TCEANC2: variants seen among roughly 807,000 people sequenced by gnomAD.
TCEANC2 encodes the protein transcription elongation factor A N-terminal and central domain containing 2.
Under a neutral mutation model 22.8 loss-of-function variants are expected in TCEANC2, and 20 were observed. That is an observed-to-expected ratio of 0.88 (90% confidence interval 0.62 to 1.28). TCEANC2 has a LOEUF of 1.28. Among genes scored for constraint, TCEANC2 ranks in the 50% most tolerant of loss-of-function variants. The probability of loss-of-function intolerance (pLI) is 0.00; values close to 1 mark genes in which losing one functional copy is unlikely to be tolerated. For synonymous variants in TCEANC2, 84 were observed against 95.5 expected (o/e 0.88, Z 0.70); for missense variants, 251 against 249.7 (o/e 1.01, Z -0.03).
rs752931743 is a variant in TCEANC2 at position 54,068,754 on chromosome 1, A to G, written c.103-2A>G. 4 of 1,587,528 alleles carry G rather than the reference A, an allele frequency of 2.5e-6. No individual in the cohort carries two copies. Among genetic ancestry groups the G allele is most frequent in the Non-Finnish European group, 3.4e-6 (4 of 1,172,498 alleles). On this transcript the variant is annotated splice_acceptor_variant, in intron 2 of 4. Coordinates refer to ENST00000234827, the MANE Select transcript of TCEANC2 (RefSeq NM_153035.3). LOFTEE classifies it high-confidence loss of function. ...TTTCCAAATGACTTTTCTTTTTCCC[A>G]GAGAGTTGTGGTTGTAGAAGACATA...
In TCEANC2 at chr1:54,104,549, T is replaced by C; in HGVS notation, c.*8076T>C. On this transcript the variant is annotated 3_prime_UTR_variant, in exon 5 of 5. Transcript: ENST00000234827. ...GGTATTCCTTTGCCCAATTTTTTTT[T>C]CTTTTTCTTTTTCAGAGGTGGAGTC... The C allele has an allele frequency of 2.2e-6, 1 of 454,126 alleles. No homozygotes were observed. Among genetic ancestry groups the C allele is most frequent in the Non-Finnish European group, 4.4e-6 (1 of 225,782 alleles). 28.1% of individuals were successfully genotyped at this position (454,126 alleles called of 1,614,324 possible).
intron 2 of TCEANC2, 102 bp downstream of exon 2, chr1:54,054,626 GCCT>G: frequency 2.6e-6 from 3 of 1,176,038 alleles, no homozygotes; most frequent in East Asian, 2.6e-5. Context: ...TTCTTGTTAT[GCCT>G]CCTCCTCAAA....
At chr1:54,071,388 G>A (rs1006657480) in intron 3 of TCEANC2, among the ~76,000 whole-genome samples, 1 of 152,106 alleles carries the variant, frequency 6.6e-6, no homozygotes, top group African/African-American at 2.4e-5. Flanking sequence ...GCTGGACCAG[G>A]GCTTAAGGAT....
At position 54,101,535 on chromosome 1, in the gene TCEANC2, G is replaced by A. The variant is rs543326228; in HGVS notation, c.*5062G>A. On this transcript the variant is annotated 3_prime_UTR_variant, in exon 5 of 5. Transcript: ENST00000234827. ...ATACATATTTGTTGAGTTCTTACGT[G>A]TCAGGTATTAGGGTCACAGGGATAG... is the stretch of plus-strand genomic sequence containing the variant. 2.6e-5 allele frequency: 4 copies of A among 152,266 alleles called. No individual in the cohort carries two copies. The South Asian group carries it at 8.3e-4, about 32-fold the overall frequency. 9.4% of individuals were successfully genotyped at this position (152,266 alleles called of 1,614,324 possible).
rs1658591902 is a variant in TCEANC2, at chr1:54,097,983, C to T, written c.*1510C>T. ...GTATAGTAACTTACTCAAGGTCACG[C>T]AGATAGTGAATGACAGATCTAAGAT... On this transcript the variant is annotated 3_prime_UTR_variant, in exon 5 of 5. Transcript: ENST00000234827. The T allele has an allele frequency of 6.6e-6, 1 of 152,212 alleles. No homozygotes were observed. The highest frequency in any genetic ancestry group is 1.5e-5 in the Non-Finnish European group (1 of 68,046). The allele number at this position is 152,212 out of a possible 1,614,324, so 9.4% of individuals were successfully genotyped here. A position where few individuals can be genotyped will look rare whatever the true frequency, so the allele number is the denominator to read the frequency against.
intron 2 of TCEANC2, 135 bp from the exon 3 acceptor site, chr1:54,068,621 A>G: frequency 1.2e-6 from 1 of 813,940 alleles, no homozygotes; most frequent in Non-Finnish European, 1.8e-6. Context: ...ATTTGGGGCC[A>G]TCAGATGCAC....
At chr1:54,054,347 T>C (rs1557684060) in intron 1 of TCEANC2, 34 bp from the exon 2 acceptor site, 2 of 1,584,806 alleles carry the variant, frequency 1.3e-6, no homozygotes, top group Non-Finnish European at 8.6e-7. Context: ...CAGTCTTTAG[T>C]GGGGTTTTAG....
chr1:54,109,814 C>G (rs1406553479), downstream of TCEANC2, among the ~76,000 whole-genome samples: 1 of 152,228 alleles, frequency 6.6e-6, no homozygotes, highest in Non-Finnish European at 1.5e-5. Flanking sequence ...CCCGTCCCCT[C>G]CTGCCTGATG....
At chr1:54,066,671 C>T (rs955779592) in intron 2 of TCEANC2, among the ~76,000 whole-genome samples, 19 of 152,006 alleles carry the variant, frequency 1.2e-4, no homozygotes, top group Admixed American at 2.6e-4. Flanking sequence ...ATCAACCAAC[C>T]GGGATTATAT....
At chr1:54,089,898 T>G (rs1570020017) in intron 4 of TCEANC2, 1 of 727,378 alleles carries the variant, frequency 1.4e-6, no homozygotes, top group Non-Finnish European at 2.4e-6. Flanking sequence ...TCTCCAAGTT[T>G]GAAGCATTCA....
chr1:54,091,143 CCTT>C (rs1186187764), intron 4 of TCEANC2, among the ~76,000 whole-genome samples: 190 of 138,314 alleles, frequency 1.4e-3, no homozygotes, highest in Non-Finnish European at 2.4e-3. Flanking sequence ...TCACTGTCGT[CCTT>C]AGCCAAAAAA....
intron 2 of TCEANC2, among the ~76,000 whole-genome samples, chr1:54,063,983 A>T (rs1416400107): frequency 6.6e-6 from 1 of 152,238 alleles, no homozygotes; most frequent in Non-Finnish European, 1.5e-5. Flanking sequence ...ACTGAAAAAA[A>T]TTAATATAAA....
At chr1:54,081,385 T>C (rs1296081680) in intron 3 of TCEANC2, among the ~76,000 whole-genome samples, 3 of 152,102 alleles carry the variant, frequency 2.0e-5, no homozygotes, top group Admixed American at 6.6e-5. Context: ...TGTGCCACCA[T>C]ACCCAGTCAA....
In TCEANC2 at chr1:54,102,649, T is replaced by G. The variant is rs1333746576; in HGVS notation, c.*6176T>G. 1 of 152,292 alleles carries G rather than the reference T, an allele frequency of 6.6e-6. No individual in the cohort carries two copies. Among genetic ancestry groups the G allele is most frequent in the African/African-American group, 2.4e-5 (1 of 41,464 alleles). The allele number at this position is 152,292 out of a possible 1,614,324, so 9.4% of individuals were successfully genotyped here. A position where few individuals can be genotyped will look rare whatever the true frequency, so the allele number is the denominator to read the frequency against. Reference sequence around the variant, plus strand: ...TGGCCCAGACATCTATGTCATCCACTACCTTTGCACCAGTACCTGCCTGTT... The same window carrying G: ...TGGCCCAGACATCTATGTCATCCACGACCTTTGCACCAGTACCTGCCTGTT... On this transcript the variant is annotated 3_prime_UTR_variant, in exon 5 of 5. Transcript: ENST00000234827.
chr1:54,059,312 CG>C (rs1170341350), intron 2 of TCEANC2, among the ~76,000 whole-genome samples: 2 of 152,090 alleles, frequency 1.3e-5, no homozygotes, highest in Non-Finnish European at 2.9e-5. Context: ...GCCACCACAC[CG>C]AACTAATTTT....
At chr1:54,086,854 A>C (rs546551616) in intron 3 of TCEANC2, among the ~76,000 whole-genome samples, 5 of 152,248 alleles carry the variant, frequency 3.3e-5, no homozygotes, top group Non-Finnish European at 7.3e-5. Context: ...GGGTGCCTCC[A>C]TAGTCAACTG....
intron 4 of TCEANC2, chr1:54,089,928 AGCCACCGGAAAC>A: frequency 1.3e-6 from 1 of 757,746 alleles, no homozygotes. Flanking sequence ...GGCAAGGCAG[AGCCACCGGAAAC>A]GTACACCTGA....
intron 3 of TCEANC2, among the ~76,000 whole-genome samples, chr1:54,072,661 C>T (rs1053621006): frequency 6.6e-6 from 1 of 152,172 alleles, no homozygotes; most frequent in African/African-American, 2.4e-5. Flanking sequence ...TCCCAAAGTG[C>T]TGGGATTACA....
intron 3 of TCEANC2, among the ~76,000 whole-genome samples, chr1:54,076,221 A>G (rs1383977686): frequency 6.6e-6 from 1 of 152,126 alleles, no homozygotes; most frequent in Non-Finnish European, 1.5e-5. Context: ...AGTACCCAAT[A>G]GTTGTGTTTT....
Sources: gnomAD v4.1 joint callset for allele counts (sites outside exome capture counted in the v4.1 genomes callset) on GRCh38, gnomAD v4.1.1 for gene constraint, MANE v1.5 for transcripts, NCBI Gene and HGNC (gene_info 2026-07-23, HGNC 2026-07-21) for gene names.